GTF3C3: variants seen among roughly 807,000 people sequenced by gnomAD.
GTF3C3 encodes the protein general transcription factor IIIC subunit 3.
In GTF3C3, 75 loss-of-function variants were observed where a neutral mutation model predicts 105.2. The ratio of observed to expected loss-of-function variants is 0.71; its 90% CI spans 0.59 to 0.86. GTF3C3 has a LOEUF of 0.86. GTF3C3 is among the 40% of genes least tolerant of loss of function. The probability of loss-of-function intolerance (pLI) is 0.00; values close to 1 mark genes in which losing one functional copy is unlikely to be tolerated. For synonymous variants in GTF3C3, 335 were observed against 370.4 expected, an observed-to-expected ratio of 0.90 and a Z score of 1.10; for missense variants, 856 against 1,076.5, an observed-to-expected ratio of 0.80 and a Z score of 2.87.
intron 1 of GTF3C3, among the ~76,000 whole-genome samples, chr2:196,798,562 C>G (rs1699688972): frequency 6.6e-6 from 1 of 151,428 alleles, no homozygotes; most frequent in Non-Finnish European, 1.5e-5. Context: ...AGATAAGTCC[C>G]TACTACTCGC....
rs150693224 is a variant in GTF3C3, at chr2:196,790,054, C to T, written c.552G>A (p.Glu184=). Residue 184 remains glutamate, a synonymous_variant, in exon 5 of 18, where the codon GAG becomes GAA. Transcript: ENST00000263956. ...ATATCATGGCTAGAGTAGAGAATGG[C>T]TCATAAGCCAGAGGAGCTATAACAA... The part of the protein sequence containing the change: ...EIIRQAPLAY[E]PFSTLAMIYE... The T allele has an allele frequency of 2.2e-5, 35 of 1,605,118 alleles. No homozygotes were observed. In the Middle Eastern group the frequency reaches 8.3e-4, roughly 38 times the overall value.
chr2:196,776,200 A>T lies in GTF3C3; in HGVS notation c.1594-89T>A, dbSNP rs1040863130. The T allele has an allele frequency of 3.8e-6, 3 of 784,524 alleles. No individual in the cohort carries two copies. Among genetic ancestry groups the T allele is most frequent in the African/African-American group, 3.5e-5 (2 of 57,172 alleles). The allele number at this position is 784,524 out of a possible 1,614,324, so 48.6% of individuals were successfully genotyped here. On this transcript the variant is annotated intron_variant, in intron 11 of 17. Transcript: ENST00000263956. The surrounding 1 kb of genome is among the most constrained non-coding windows in gnomAD (Gnocchi z 4.5). The stretch of plus-strand genomic sequence containing the variant: ...GCATAGAAACATTTTTAAAAAAACA[A>T]ACCATATTGCTTTATGGTCTTTCAC...
intron 8 of GTF3C3, among the ~76,000 whole-genome samples, chr2:196,783,471 G>A (rs1369678426): frequency 2.0e-5 from 3 of 152,088 alleles, no homozygotes; most frequent in African/African-American, 4.8e-5. Context: ...GCCTTGGCTC[G>A]TGCCTAAGCC....
Position 196,784,829 on chromosome 2 carries a change from C to T in GTF3C3, c.1114+28G>A, listed in dbSNP as rs1699424786. ...CTTATGACCAAGAGAGGATTATATA[C>T]ACTTTCCTAAGCAGAGGAAACTACA... is the stretch of plus-strand genomic sequence containing the variant. On this transcript the variant is annotated intron_variant, in intron 8 of 17. Coordinates refer to ENST00000263956, the MANE Select transcript of GTF3C3 (RefSeq NM_012086.5). 2.5e-6 allele frequency: 4 copies of T among 1,587,210 alleles called. No homozygotes were observed. The African/African-American group carries it at 4.1e-5, about 16-fold the overall frequency.
At chr2:196,784,712 G>A in intron 8 of GTF3C3, 145 bp downstream of exon 8, 1 of 1,046,620 alleles carries the variant, frequency 9.6e-7, no homozygotes, top group Non-Finnish European at 1.3e-6. Context: ...TGAAATCTCT[G>A]AGAAAAAAAT....
At chr2:196,771,272 TG>T (rs1559297948) in intron 15 of GTF3C3, among the ~76,000 whole-genome samples, 1 of 152,202 alleles carries the variant, frequency 6.6e-6, no homozygotes, top group Non-Finnish European at 1.5e-5. Context: ...ATTTAGCTCC[TG>T]AAGGAATGAA....
At chr2:196,771,036 G>T (rs975062567) in intron 15 of GTF3C3, among the ~76,000 whole-genome samples, 2 of 152,014 alleles carry the variant, frequency 1.3e-5, no homozygotes, top group African/African-American at 4.8e-5. Context: ...CCACCTTTTA[G>T]GTAGTAAGAC....
intron 8 of GTF3C3, among the ~76,000 whole-genome samples, chr2:196,781,338 A>AG (rs1183464628): frequency 8.0e-5 from 7 of 87,436 alleles, no homozygotes; most frequent in Non-Finnish European, 1.4e-4. Flanking sequence ...AAAAATGTTA[A>AG]GGGGAAAAAA....
Position 196,764,655 on chromosome 2 carries a change from T to C in GTF3C3, c.2569A>G (p.Arg857Gly). 1.2e-6 allele frequency: 2 copies of C among 1,611,572 alleles called. No individual in the cohort carries two copies. Among genetic ancestry groups the C allele is most frequent in the Non-Finnish European group, 1.7e-6 (2 of 1,177,734 alleles). Residue 857 changes from arginine to glycine, a missense_variant, in exon 18 of 18, where the codon AGA becomes GGA. By Grantham distance (125) the Arg-to-Gly change is moderately radical (BLOSUM62 -2). Around this residue, in one of 3 missense-constraint regions of GTF3C3, gnomAD observed 134 missense variants for 128.9 expected, o/e 1.04. Coordinates refer to ENST00000263956, the MANE Select transcript of GTF3C3 (RefSeq NM_012086.5). Reference sequence around the variant, plus strand: ...AGAGACAAGTTGTAGGCAATATCTCTTCGTAAGTCTAACTGGTCAAGTTCT... The same window carrying C: ...AGAGACAAGTTGTAGGCAATATCTCCTCGTAAGTCTAACTGGTCAAGTTCT... ...GIELDQLDLR[R>G]DIAYNLSLIY...
In GTF3C3 at chr2:196,781,355, A is replaced by ATAT. The variant is rs1442698575; in HGVS notation, c.1115-694_1115-693insATA. ...AAATGTTAAGGGGAAAAAAAAAAAAAAAATATATATATATATATATATATA... is the reference window on the plus strand; with the variant it reads ...AAATGTTAAGGGGAAAAAAAAAAAAATATAAATATATATATATATATATATATA... On this transcript the variant is annotated intron_variant, in intron 8 of 17. Coordinates refer to ENST00000263956, the MANE Select transcript of GTF3C3 (RefSeq NM_012086.5). Among the ~76,000 whole-genome samples, 203 of 31,080 alleles carry ATAT rather than the reference A, an allele frequency of 6.5e-3. 1 individual carries two copies. Among genetic ancestry groups the ATAT allele is most frequent in the Admixed American group, 0.011 (20 of 1,756 alleles). The allele number at this position is 31,080 out of a possible 152,430, so 20.4% of individuals were successfully genotyped here.
rs914614473 is a variant in GTF3C3 at position 196,763,714 on chromosome 2, T to TAACA, written c.*845_*848dup. ...TTTCCCTAAAAAGTTGTTATTAAGC[T>TAACA]AACAGTATATCATCTAAAAAGTACT... On this transcript the variant is annotated 3_prime_UTR_variant, in exon 18 of 18. Coordinates refer to ENST00000263956, the MANE Select transcript of GTF3C3 (RefSeq NM_012086.5). 29 of 152,232 alleles carry TAACA rather than the reference T, an allele frequency of 1.9e-4. No homozygotes were observed. Among genetic ancestry groups the TAACA allele is most frequent in the African/African-American group, 6.3e-4 (26 of 41,464 alleles). 9.4% of individuals were successfully genotyped at this position (152,232 alleles called of 1,614,324 possible). A position where few individuals can be genotyped will look rare whatever the true frequency, so the allele number is the denominator to read the frequency against.
rs140025807 is a variant in GTF3C3 at position 196,774,024 on chromosome 2, T to G, written c.1832-871A>C. On this transcript the variant is annotated intron_variant, in intron 13 of 17. Coordinates refer to ENST00000263956, the MANE Select transcript of GTF3C3 (RefSeq NM_012086.5). ...GCATTCAAATGTTTGCTCAGCAAAA[T>G]ACTTCAAATTCATACTTTGAGATTC... Among the ~76,000 whole-genome samples, 250 of 152,350 alleles carry G rather than the reference T, an allele frequency of 1.6e-3. No homozygotes were observed. The East Asian group carries it at 0.019, about 12-fold the overall frequency.
intron 1 of GTF3C3, chr2:196,799,276 G>C (rs1257650888): frequency 2.3e-5 from 11 of 484,744 alleles, no homozygotes; most frequent in Non-Finnish European, 3.3e-5. Flanking sequence ...ACGTAGTATT[G>C]GGGGAAAAAG....
At chr2:196,792,716 CA>C (rs1220462348) in intron 3 of GTF3C3, among the ~76,000 whole-genome samples, 1 of 152,120 alleles carries the variant, frequency 6.6e-6, no homozygotes, top group Non-Finnish European at 1.5e-5. Flanking sequence ...TCCCCAGGCT[CA>C]GCTGATCCTA....
In GTF3C3 at chr2:196,789,872, T is replaced by C. The variant is rs1699516918; in HGVS notation, c.727+7A>G. 3.3e-6 allele frequency: 5 copies of C among 1,533,106 alleles called. No homozygotes were observed. The African/African-American group carries it at 5.6e-5, about 17-fold the overall frequency. 95.0% of individuals were successfully genotyped at this position (1,533,106 alleles called of 1,614,324 possible). The stretch of plus-strand genomic sequence containing the variant: ...TAAAAGTGAAAAAAAAAAAAAATTT[T>C]AATTACCTTTTGTATAGCAAAAAAT... On this transcript the variant is annotated splice_region_variant and intron_variant, in intron 5 of 17. Transcript: ENST00000263956.
chr2:196,798,472 T>G (rs1482331459), intron 1 of GTF3C3, among the ~76,000 whole-genome samples: 2 of 151,942 alleles, frequency 1.3e-5, no homozygotes, highest in Non-Finnish European at 2.9e-5. Context: ...TACAGTGAGC[T>G]GAGATCGCGT....
At chr2:196,798,309 G>T (rs929406770) in intron 1 of GTF3C3, among the ~76,000 whole-genome samples, 3 of 152,142 alleles carry the variant, frequency 2.0e-5, no homozygotes, top group African/African-American at 7.2e-5. Context: ...CGGATCCCTT[G>T]AGCTCAGGAG....
rs1698999693 is a variant in GTF3C3 at position 196,763,162 on chromosome 2, T to C, written c.*1401A>G. The C allele has an allele frequency of 6.6e-6, 1 of 152,186 alleles. No homozygotes were observed. The highest frequency in any genetic ancestry group is 2.1e-4 in the South Asian group (1 of 4,832). 9.4% of individuals were successfully genotyped at this position (152,186 alleles called of 1,614,324 possible). On this transcript the variant is annotated 3_prime_UTR_variant, in exon 18 of 18. Coordinates refer to ENST00000263956, the MANE Select transcript of GTF3C3 (RefSeq NM_012086.5). The stretch of plus-strand genomic sequence containing the variant: ...AAAGTGTTTAGCACCATACTTAGCA[T>C]ACAGTAGCAGAGTAAAAACTCAGCA...
Position 196,789,315 on chromosome 2 carries a change from T to C in GTF3C3, c.782A>G (p.Tyr261Cys), listed in dbSNP as rs1470558601. 5 of 1,613,208 alleles carry C rather than the reference T, an allele frequency of 3.1e-6. No individual in the cohort carries two copies. The highest frequency in any genetic ancestry group is 1.7e-5 in the Admixed American group (1 of 59,900). Residue 261 changes from tyrosine (Y) to cysteine (C), a missense_variant, in exon 6 of 18, where the codon TAT (tyrosine) becomes TGT (cysteine). Around this residue, in one of 3 missense-constraint regions of GTF3C3, gnomAD observed 605 missense variants for 833.6 expected, o/e 0.73. Transcript: ENST00000263956. ...CATTTTATGATCACCCATCTGTTCA[T>C]AAAGGCTTGATCGCTCCCACAGATA... The part of the protein sequence containing the change: ...VRYLWERSSL[Y>C]EQMGDHKMAM...
Sources: gnomAD v4.1 joint callset for allele counts (sites outside exome capture counted in the v4.1 genomes callset) on GRCh38, gnomAD v4.1.1 for gene constraint, gnomAD v4.1.1 regional missense constraint, Gnocchi (gnomAD v3.1) non-coding constraint, MANE v1.5 for transcripts, NCBI Gene and HGNC (gene_info 2026-07-23, HGNC 2026-07-21) for gene names.